UNC5D: variants seen among roughly 807,000 people sequenced by gnomAD.
UNC5D encodes the protein netrin receptor UNC5D.
In UNC5D, 39 loss-of-function variants were observed where a neutral mutation model predicts 105.4. The ratio of observed to expected loss-of-function variants is 0.37; its 90% CI spans 0.29 to 0.48. The LOEUF is 0.48. Among genes scored for constraint, UNC5D ranks in the 20% least tolerant of loss-of-function variants. The pLI is 0.98. For missense variants in UNC5D, 991 were observed against 1,202.4 expected, an observed-to-expected ratio of 0.82 and a Z score of 2.60; for synonymous variants, 452 against 450.4, an observed-to-expected ratio of 1.00 and a Z score of -0.04.
chr8:35,340,418 C>T (rs10110454), intron 1 of UNC5D, among the ~76,000 whole-genome samples: 81,737 of 151,960 alleles, frequency 0.54, 22,848 homozygotes, highest in East Asian at 0.7. Flanking sequence ...CTATAGGTTT[C>T]TATTTGGGAA....
At chr8:35,280,560 T>C (rs755407783) in intron 1 of UNC5D, among the ~76,000 whole-genome samples, 7 of 152,302 alleles carry the variant, frequency 4.6e-5, no homozygotes, top group East Asian at 1.9e-4. Context: ...GTGGGGTCGT[T>C]AATAATGAAA....
intron 1 of UNC5D, among the ~76,000 whole-genome samples, chr8:35,336,859 T>C (rs1811086710): frequency 6.6e-6 from 1 of 152,020 alleles, no homozygotes; most frequent in Admixed American, 6.6e-5. Flanking sequence ...CCTTCTTATA[T>C]GAAATTAACC....
At position 35,240,769 on chromosome 8, in the gene UNC5D, G is replaced by A. The variant is rs146982933; in HGVS notation, c.103+4882G>A. Among the ~76,000 whole-genome samples, 51 of 152,266 alleles carry A rather than the reference G, an allele frequency of 3.3e-4. No homozygotes were observed. In the East Asian group the frequency reaches 9.8e-3, roughly 29 times the overall value. On this transcript the variant is annotated intron_variant, in intron 1 of 16. Coordinates refer to ENST00000404895, the MANE Select transcript of UNC5D (RefSeq NM_080872.4). ...CAAATGATATCTTTATTACTATCAA[G>A]AGGCATAGAGGAATTTAGAGTACCT...
intron 1 of UNC5D, among the ~76,000 whole-genome samples, chr8:35,432,029 CTTTA>C (rs1446107724): frequency 6.6e-6 from 1 of 151,980 alleles, no homozygotes; most frequent in East Asian, 1.9e-4. Context: ...ATTTAAACTT[CTTTA>C]TTAAGTCACA....
chr8:35,390,069 G>A (rs545272619), intron 1 of UNC5D, among the ~76,000 whole-genome samples: 3 of 152,282 alleles, frequency 2.0e-5, no homozygotes, highest in South Asian at 4.1e-4. Flanking sequence ...GGGAGGCCTC[G>A]GGAAACTTCC....
chr8:35,703,571 C>T (rs964685108), intron 7 of UNC5D, among the ~76,000 whole-genome samples: 1 of 152,202 alleles, frequency 6.6e-6, no homozygotes, highest in Non-Finnish European at 1.5e-5. Context: ...CAGTCACATT[C>T]GTTCATTCAT....
intron 8 of UNC5D, among the ~76,000 whole-genome samples, chr8:35,710,238 A>G (rs1281169417): frequency 6.6e-6 from 1 of 152,206 alleles, no homozygotes; most frequent in Admixed American, 6.5e-5. Flanking sequence ...AATTGTAAAA[A>G]TGGGTCATAT....
intron 1 of UNC5D, among the ~76,000 whole-genome samples, chr8:35,518,045 G>A (rs1813218170): frequency 6.6e-6 from 1 of 151,870 alleles, no homozygotes; most frequent in South Asian, 2.1e-4. Context: ...ATTTTGGGGG[G>A]GGCATAAACA....
chr8:35,744,313 A>G (rs1829903076), intron 11 of UNC5D, among the ~76,000 whole-genome samples: 2 of 152,230 alleles, frequency 1.3e-5, no homozygotes, highest in Non-Finnish European at 2.9e-5. Flanking sequence ...TCTGCTGTGA[A>G]GTACTATTTT....
intron 1 of UNC5D, among the ~76,000 whole-genome samples, chr8:35,343,927 A>G (rs1156472459): frequency 6.6e-6 from 1 of 152,138 alleles, no homozygotes; most frequent in Non-Finnish European, 1.5e-5. Flanking sequence ...ATGTCTTTAA[A>G]GAGTCATCTG....
At chr8:35,280,991 A>C (rs1371235224) in intron 1 of UNC5D, among the ~76,000 whole-genome samples, 1 of 152,180 alleles carries the variant, frequency 6.6e-6, no homozygotes, top group African/African-American at 2.4e-5. Flanking sequence ...TACATCTCTC[A>C]GCTTGATGCC....
intron 1 of UNC5D, among the ~76,000 whole-genome samples, chr8:35,546,942 T>A (rs1475620292): frequency 6.6e-6 from 1 of 152,238 alleles, no homozygotes; most frequent in Non-Finnish European, 1.5e-5. Flanking sequence ...TTTACAATTT[T>A]TTGATGCTGA....
At chr8:35,274,530 G>A (rs16883710) in intron 1 of UNC5D, among the ~76,000 whole-genome samples, 3,336 of 152,194 alleles carry the variant, frequency 0.022, 128 homozygotes, top group African/African-American at 0.077. Flanking sequence ...AGAAGACGAC[G>A]GCCTGTGGAT....
At chr8:35,355,221 T>C (rs1801479989) in intron 1 of UNC5D, among the ~76,000 whole-genome samples, 1 of 152,166 alleles carries the variant, frequency 6.6e-6, no homozygotes. Flanking sequence ...CCCCTTTTTT[T>C]TGAACAACTT....
chr8:35,287,182 C>G (rs1167698411), intron 1 of UNC5D, among the ~76,000 whole-genome samples: 1 of 152,146 alleles, frequency 6.6e-6, no homozygotes, highest in Non-Finnish European at 1.5e-5. Flanking sequence ...GCTTTCTCCT[C>G]AAATGCACAG....
chr8:35,796,014 C>CTGTT lies in UNC5D; in HGVS notation c.*5453_*5456dup, dbSNP rs1449777683. On this transcript the variant is annotated 3_prime_UTR_variant, in exon 17 of 17. Transcript: ENST00000404895. ...ATTTTAAAACAGATTTCATTTTTTT[C>CTGTT]TGTTTATTTTGGGAAGGTGCGTGGG... The CTGTT allele has an allele frequency of 6.6e-6, 1 of 152,060 alleles. No individual in the cohort carries two copies. The highest frequency in any genetic ancestry group is 2.4e-5 in the African/African-American group (1 of 41,418). 9.4% of individuals were successfully genotyped at this position (152,060 alleles called of 1,614,324 possible). A position where few individuals can be genotyped will look rare whatever the true frequency, so the allele number is the denominator to read the frequency against.
chr8:35,312,102 A>G (rs899804478), intron 1 of UNC5D, among the ~76,000 whole-genome samples: 76 of 152,162 alleles, frequency 5.0e-4, no homozygotes, highest in Non-Finnish European at 9.6e-4. Flanking sequence ...TTGTTTTTCA[A>G]TTAATTAAAA....
chr8:35,458,624 C>T (rs1808657833), intron 1 of UNC5D, among the ~76,000 whole-genome samples: 1 of 152,162 alleles, frequency 6.6e-6, no homozygotes, highest in African/African-American at 2.4e-5. Flanking sequence ...GTGCCGAGAG[C>T]ACAGCCCAGG....
At chr8:35,726,687 C>A in intron 10 of UNC5D, 158 bp downstream of exon 10, 2 of 1,122,990 alleles carry the variant, frequency 1.8e-6, no homozygotes, top group Non-Finnish European at 2.5e-6. Flanking sequence ...CACAGCAAAC[C>A]AGAACCAATG....
Sources: allele counts gnomAD v4.1 joint callset (sites outside exome capture counted in the v4.1 genomes callset), GRCh38; gene constraint gnomAD v4.1.1; transcripts MANE v1.5; gene names NCBI Gene and HGNC (gene_info 2026-07-23, HGNC 2026-07-21).